Variants in GSE1 observed in about 807,000 individuals in gnomAD.
GSE1 encodes Gse1 coiled-coil protein.
Under a neutral mutation model 112.6 loss-of-function variants are expected in GSE1, and 32 were observed. The ratio of observed to expected loss-of-function variants is 0.28; its 90% CI spans 0.21 to 0.38. The LOEUF is 0.38. GSE1 is among the 10% of genes least tolerant of loss of function. GSE1 has a pLI of 1.00. For synonymous variants in GSE1, 1,115 were observed against 735.6 expected (o/e 1.52, Z -8.35); for missense variants, 2,348 against 1,699.2 (o/e 1.38, Z -6.71).
At chr16:85,653,926 G>A (rs1339542552) in intron 3 of GSE1, among the ~76,000 whole-genome samples, 2 of 152,156 alleles carry the variant, frequency 1.3e-5, no homozygotes, top group Non-Finnish European at 1.5e-5. Flanking sequence ...ACCTTCGGAT[G>A]TCCACACCAG....
chr16:85,673,945 C>G lies in GSE1; in HGVS notation c.*1406C>G, dbSNP rs2053537487. 1 of 152,256 alleles carries G rather than the reference C, an allele frequency of 6.6e-6. No individual in the cohort carries two copies. The highest frequency in any genetic ancestry group is 2.4e-5 in the African/African-American group (1 of 41,476). 9.4% of individuals were successfully genotyped at this position (152,256 alleles called of 1,614,324 possible). On this transcript the variant is annotated 3_prime_UTR_variant, in exon 16 of 16. Coordinates refer to ENST00000253458, the MANE Select transcript of GSE1 (RefSeq NM_014615.5). ...GCCACAAGGTCTGAGCTGAACCCCT[C>G]CTTTTTGAACTTACTGTGACAAGCA...
chr16:85,392,937 A>G (rs780740729), intron 2 of GSE1, among the ~76,000 whole-genome samples: 1 of 152,236 alleles, frequency 6.6e-6, no homozygotes, highest in African/African-American at 2.4e-5. Context: ...AGGGGTCCCA[A>G]TGTGGCTGAG....
At chr16:85,514,435 C>A (rs1316298819) in intron 2 of GSE1, among the ~76,000 whole-genome samples, 3 of 105,142 alleles carry the variant, frequency 2.9e-5, no homozygotes, top group African/African-American at 4.9e-5. Context: ...GTCCCCCCCC[C>A]CACCCCAGGG....
intron 2 of GSE1, among the ~76,000 whole-genome samples, chr16:85,464,975 T>A (rs2151832437): frequency 6.6e-6 from 1 of 152,324 alleles, no homozygotes; most frequent in South Asian, 2.1e-4. Context: ...CCCTCTCGTT[T>A]TTGCAGGTGA....
intron 2 of GSE1, among the ~76,000 whole-genome samples, chr16:85,383,539 CTCT>C (rs1567725167): frequency 8.2e-4 from 62 of 76,038 alleles, no homozygotes; most frequent in East Asian, 5.7e-3. Flanking sequence ...CTCTCTCTCT[CTCT>C]CTCTCTCTCT....
chr16:85,218,048 G>A (rs141384080), intron 1 of GSE1, among the ~76,000 whole-genome samples: 6,537 of 152,072 alleles, frequency 0.043, 192 homozygotes, highest in Non-Finnish European at 0.067. Flanking sequence ...CTACAGGCAC[G>A]CACTACCACA....
chr16:85,542,729 C>T (rs1654213051), intron 2 of GSE1, among the ~76,000 whole-genome samples: 1 of 152,228 alleles, frequency 6.6e-6, no homozygotes. Flanking sequence ...ACTGTCCACA[C>T]AGCACCTGGT....
rs1007957134 is a variant in GSE1, at chr16:85,566,425, C to T, written c.37+10062C>T. Reference sequence around the variant, plus strand: ...ATCGTCCTGGTGAGGTCGTCCTGGCCCTCTCTCCACTGCGTCCCATGTAAG... The same window carrying T: ...ATCGTCCTGGTGAGGTCGTCCTGGCTCTCTCTCCACTGCGTCCCATGTAAG... On this transcript the variant is annotated intron_variant, in intron 1 of 2. Coordinates refer to the GSE1 transcript ENST00000635906. 1.8e-4 allele frequency among the ~76,000 whole-genome samples: 27 copies of T among 152,138 alleles called. 1 individual carries two copies. Among genetic ancestry groups the T allele is most frequent in the Non-Finnish European group, 2.8e-4 (19 of 68,028 alleles).
chr16:85,544,594 A>G (rs2044633376), intron 2 of GSE1, among the ~76,000 whole-genome samples: 2 of 152,152 alleles, frequency 1.3e-5, no homozygotes, highest in Admixed American at 6.6e-5. Flanking sequence ...GCATGAGGGG[A>G]AAGACAGGGA....
At chr16:85,528,125 A>G (rs889350209) in intron 2 of GSE1, among the ~76,000 whole-genome samples, 2 of 152,236 alleles carry the variant, frequency 1.3e-5, no homozygotes, top group East Asian at 3.9e-4. Flanking sequence ...GCACTGTTCT[A>G]ACCTGGGTGT....
chr16:85,396,646 A>G (rs999153310), intron 2 of GSE1, among the ~76,000 whole-genome samples: 1 of 152,248 alleles, frequency 6.6e-6, no homozygotes, highest in East Asian at 1.9e-4. Flanking sequence ...ATTTCTGCTC[A>G]GTTCAGGACG....
intron 2 of GSE1, among the ~76,000 whole-genome samples, chr16:85,364,863 T>C (rs1344420698): frequency 6.6e-6 from 1 of 152,202 alleles, no homozygotes; most frequent in Non-Finnish European, 1.5e-5. Context: ...GGTTCGTCCA[T>C]GGTCCCACAG....
intron 1 of GSE1, among the ~76,000 whole-genome samples, chr16:85,333,355 A>T (rs993453143): frequency 6.6e-6 from 1 of 152,182 alleles, no homozygotes; most frequent in African/African-American, 2.4e-5. Context: ...CCCAGAGGCC[A>T]GTATGATGGA....
intron 2 of GSE1, among the ~76,000 whole-genome samples, chr16:85,386,811 T>C (rs768345993): frequency 1.7e-4 from 26 of 152,186 alleles, no homozygotes; most frequent in Non-Finnish European, 3.5e-4. Context: ...CTCCTGGAGT[T>C]CTTGTTACCA....
intron 9 of GSE1, among the ~76,000 whole-genome samples, chr16:85,661,990 C>T (rs1347802762): frequency 6.6e-6 from 1 of 152,146 alleles, no homozygotes. Context: ...GCAAATTGTC[C>T]CAAAAAGCCA....
At chr16:85,349,687 C>T (rs372039038) in intron 1 of GSE1, among the ~76,000 whole-genome samples, 8 of 152,284 alleles carry the variant, frequency 5.3e-5, no homozygotes, top group East Asian at 1.9e-4. Context: ...GATTTTTCCT[C>T]GGGGCGAAGA....
intron 1 of GSE1, among the ~76,000 whole-genome samples, chr16:85,568,662 G>A (rs771497200): frequency 6.6e-6 from 1 of 152,210 alleles, no homozygotes; most frequent in Non-Finnish European, 1.5e-5. Context: ...ACCCAGGGCG[G>A]AGGCTCTTGG....
Position 85,452,363 on chromosome 16 carries a change from C to G in GSE1, c.2464+94720C>G, listed in dbSNP as rs538809609. ...AGCGGGTGCTGAGCCTGTGTGTTCC[C>G]ACTCTGGCCCCCACCTCTCCCTCTG... On this transcript the variant is annotated intron_variant, in intron 2 of 2. Transcript: ENST00000637419. 4.3e-3 allele frequency among the ~76,000 whole-genome samples: 655 copies of G among 152,280 alleles called. 6 individuals carry two copies. Among genetic ancestry groups the G allele is most frequent in the African/African-American group, 0.015 (629 of 41,548 alleles).
At chr16:85,527,746 G>A (rs537827387) in intron 2 of GSE1, among the ~76,000 whole-genome samples, 4 of 152,368 alleles carry the variant, frequency 2.6e-5, no homozygotes, top group Admixed American at 6.5e-5. Flanking sequence ...GAGCGCACGG[G>A]CTTGCCCACA....
Sources: allele counts gnomAD v4.1 joint callset (sites outside exome capture counted in the v4.1 genomes callset), GRCh38; gene constraint gnomAD v4.1.1; transcripts MANE v1.5; gene names NCBI Gene and HGNC (gene_info 2026-07-23, HGNC 2026-07-21).